Variants in PTPRD observed in about 807,000 individuals in gnomAD.
PTPRD encodes the protein receptor-type tyrosine-protein phosphatase delta.
PTPRD carries 34 observed loss-of-function variants against 214.5 expected under a neutral mutation model. That is an observed-to-expected ratio of 0.16 (90% CI 0.12 to 0.21). The LOEUF (loss-of-function observed/expected upper bound fraction) is 0.21, where lower values mean the gene tolerates loss of function less well. PTPRD is among the 10% of genes least tolerant of loss of function. The probability of loss-of-function intolerance (pLI) is 1.00; values close to 1 mark genes in which losing one functional copy is unlikely to be tolerated. For missense variants in PTPRD, 2,545 were observed against 2,398.7 expected (o/e 1.06, Z -1.27); for synonymous variants, 1,128 against 845.7 (o/e 1.33, Z -5.79).
At position 9,036,430 on chromosome 9, in the gene PTPRD, T is replaced by G. The variant is rs1244648796; in HGVS notation, c.-142-17695A>C. On this transcript the variant is annotated intron_variant, in intron 10 of 45. Transcript: ENST00000381196. ...GTCATAGCCAACAGCAACTTAAGGA[T>G]ACATGATATTAAATATAATGTAAAT... Among the ~76,000 whole-genome samples the G allele has an allele frequency of 2.0e-5, 3 of 152,132 alleles. No homozygotes were observed. In the South Asian group the frequency reaches 6.2e-4, roughly 32 times the overall value.
At chr9:8,526,966 A>G (rs1234217046) in intron 16 of PTPRD, among the ~76,000 whole-genome samples, 1 of 151,934 alleles carries the variant, frequency 6.6e-6, no homozygotes, top group Non-Finnish European at 1.5e-5. Flanking sequence ...TCTTAAAAAA[A>G]AACTATACAA....
In PTPRD at chr9:8,534,610, A is replaced by C. The variant is rs548660593; in HGVS notation, c.353-5831T>G. Among the ~76,000 whole-genome samples, 517 of 123,176 alleles carry C rather than the reference A, an allele frequency of 4.2e-3. 4 individuals carry two copies. Among genetic ancestry groups the C allele is most frequent in the African/African-American group, 0.014 (497 of 34,550 alleles). 80.8% of individuals were successfully genotyped at this position (123,176 alleles called of 152,430 possible). On this transcript the variant is annotated intron_variant, in intron 14 of 45. Coordinates refer to ENST00000381196, the MANE Select transcript of PTPRD (RefSeq NM_002839.4). ...GACGAGTAATATGCAGCGTATTTTT[A>C]AAATGACATTCCTAGAGTATATATA...
At chr9:8,527,060 T>C (rs908898850) in intron 16 of PTPRD, among the ~76,000 whole-genome samples, 5 of 151,988 alleles carry the variant, frequency 3.3e-5, no homozygotes, top group Admixed American at 6.6e-5. Context: ...TATACTGTGA[T>C]AGGAAACACT....
chr9:9,402,166 G>C (rs1028931123), intron 8 of PTPRD, among the ~76,000 whole-genome samples: 4 of 151,898 alleles, frequency 2.6e-5, no homozygotes, highest in African/African-American at 9.7e-5. Context: ...TTGAAATACT[G>C]GAATAAAATA....
intron 14 of PTPRD, among the ~76,000 whole-genome samples, chr9:8,590,754 A>G (rs573153009): frequency 6.6e-6 from 1 of 152,332 alleles, no homozygotes; most frequent in Admixed American, 6.5e-5. Context: ...TGCAAGTTTA[A>G]CCAGCTACAA....
chr9:9,261,556 C>G (rs1163244533), intron 9 of PTPRD, among the ~76,000 whole-genome samples: 1 of 151,624 alleles, frequency 6.6e-6, no homozygotes, highest in Admixed American at 6.6e-5. Flanking sequence ...CTTTTAGAGG[C>G]CACCTGTGAT....
intron 11 of PTPRD, among the ~76,000 whole-genome samples, chr9:8,817,921 A>C (rs2096955379): frequency 6.6e-6 from 1 of 152,212 alleles, no homozygotes; most frequent in Admixed American, 6.5e-5. Flanking sequence ...ATAAAACTAC[A>C]GTTAGTTGCT....
chr9:8,504,095 C>A (rs992627041), intron 23 of PTPRD, among the ~76,000 whole-genome samples, 166 bp downstream of exon 23: 1 of 152,106 alleles, frequency 6.6e-6, no homozygotes, highest in Non-Finnish European at 1.5e-5. Context: ...AGTGATGAGA[C>A]CAAAAGAAGT....
intron 3 of PTPRD, among the ~76,000 whole-genome samples, chr9:10,160,271 C>G (rs1188777579): frequency 6.6e-6 from 1 of 152,024 alleles, no homozygotes; most frequent in Non-Finnish European, 1.5e-5. Context: ...CATTCCTGGG[C>G]ACATATAATC....
chr9:10,109,839 T>C (rs1029589128), intron 3 of PTPRD, among the ~76,000 whole-genome samples: 2 of 152,090 alleles, frequency 1.3e-5, no homozygotes, highest in African/African-American at 2.4e-5. Flanking sequence ...TTTTTCATTG[T>C]TGCAAGGAGA....
chr9:9,388,900 T>A (rs1453433953), intron 9 of PTPRD, among the ~76,000 whole-genome samples: 1 of 151,916 alleles, frequency 6.6e-6, no homozygotes, highest in Non-Finnish European at 1.5e-5. Context: ...GAAAAAAAAA[T>A]CTTTCACAGT....
intron 7 of PTPRD, among the ~76,000 whole-genome samples, chr9:9,651,605 GGT>G (rs1358689903): frequency 1.3e-5 from 2 of 151,952 alleles, no homozygotes; most frequent in Admixed American, 6.6e-5. Context: ...AGTATTCCAT[GGT>G]ATATATGTAC....
intron 14 of PTPRD, among the ~76,000 whole-genome samples, chr9:8,567,210 G>C (rs1003474544): frequency 1.3e-5 from 2 of 152,142 alleles, no homozygotes; most frequent in African/African-American, 2.4e-5. Context: ...GAATTTGGCG[G>C]TACCTGCCTT....
chr9:10,339,809 A>C (rs1344490009), intron 3 of PTPRD, among the ~76,000 whole-genome samples: 2 of 151,660 alleles, frequency 1.3e-5, no homozygotes, highest in African/African-American at 4.8e-5. Flanking sequence ...AGAACCAACA[A>C]ACAACAATAA....
At chr9:9,013,022 CA>C (rs1227385742) in intron 11 of PTPRD, among the ~76,000 whole-genome samples, 1 of 152,102 alleles carries the variant, frequency 6.6e-6, no homozygotes, top group African/African-American at 2.4e-5. Flanking sequence ...ATGACACTAA[CA>C]GGGGCAGAAA....
At chr9:10,057,074 C>G (rs1461951701) in intron 3 of PTPRD, among the ~76,000 whole-genome samples, 1 of 152,218 alleles carries the variant, frequency 6.6e-6, no homozygotes, top group Admixed American at 6.5e-5. Flanking sequence ...AAGCTGGTTC[C>G]TAGTCCCATC....
intron 7 of PTPRD, among the ~76,000 whole-genome samples, chr9:9,651,991 G>A (rs2096371318): frequency 6.6e-6 from 1 of 150,938 alleles, no homozygotes; most frequent in Non-Finnish European, 1.5e-5. Flanking sequence ...CCTGCCACCA[G>A]GCCTGGCTAA....
chr9:8,528,690 C>T lies in PTPRD; in HGVS notation c.442G>A (p.Ala148Thr), dbSNP rs777198770. The part of the protein sequence containing the change: ...ERTRTATMLC[A>T]ASGNPDPEIT... The stretch of plus-strand genomic sequence containing the variant: ...TCTGGATCCGGATTACCACTGGCTG[C>T]ACAAAGCATGGTGGCCGTGCGAGTA... The change falls in exon 15 of 46, where the codon GCA becomes ACA. Residue 148 changes from alanine to threonine, a missense_variant. Transcript: ENST00000381196. The T allele has an allele frequency of 2.5e-6, 4 of 1,613,556 alleles. No homozygotes were observed. The highest frequency in any genetic ancestry group is 3.4e-6 in the Non-Finnish European group (4 of 1,179,736).
chr9:8,500,129 G>A (rs531674209), intron 24 of PTPRD, among the ~76,000 whole-genome samples: 169 of 150,310 alleles, frequency 1.1e-3, no homozygotes, highest in African/African-American at 4.0e-3. Context: ...CAAAAGCCAA[G>A]GAAGATGCTT....
Sources: allele counts gnomAD v4.1 joint callset (sites outside exome capture counted in the v4.1 genomes callset), GRCh38; gene constraint gnomAD v4.1.1; transcripts MANE v1.5; gene names NCBI Gene and HGNC (gene_info 2026-07-23, HGNC 2026-07-21).